ABCA12: variants seen among roughly 807,000 people sequenced by gnomAD.
ABCA12 encodes the protein ATP binding cassette subfamily A member 12, also known as glucosylceramide transporter ABCA12.
ABCA12 carries 156 observed loss-of-function variants against 293.5 expected under a neutral mutation model. The ratio of observed to expected loss-of-function variants is 0.53; its 90% CI spans 0.47 to 0.61. ABCA12 has a LOEUF of 0.61. ABCA12 is among the 20% of genes least tolerant of loss of function. ABCA12 has a pLI of 0.00. For synonymous variants in ABCA12, 1,063 were observed against 1,108.0 expected, an observed-to-expected ratio of 0.96 and a Z score of 0.81; for missense variants, 2,797 against 3,090.2, an observed-to-expected ratio of 0.91 and a Z score of 2.25.
Position 215,019,312 on chromosome 2 carries a change from T to G in ABCA12, c.1657+24A>C, listed in dbSNP as rs766675361. On this transcript the variant is annotated intron_variant, in intron 13 of 52. Coordinates refer to ENST00000272895, the MANE Select transcript of ABCA12 (RefSeq NM_173076.3). ...TCACATGCATTCTAATAAGACAAGA[T>G]TTAAAATGTGGATGGGGAAACACCT... The G allele has an allele frequency of 3.7e-5, 59 of 1,583,176 alleles. 1 individual carries two copies. The South Asian group carries it at 6.4e-4, about 17-fold the overall frequency.
At position 214,932,490 on chromosome 2, in the gene ABCA12, T is replaced by G; in HGVS notation, c.*144A>C. The G allele has an allele frequency of 4.2e-6, 3 of 711,624 alleles. No homozygotes were observed. The South Asian group carries it at 5.0e-5, about 12-fold the overall frequency. 44.1% of individuals were successfully genotyped at this position (711,624 alleles called of 1,614,324 possible). ...AGGAAAAATTTCCTTTTATAATTACTTGTTAGTCTAACACAGTTGTAACTT... is the reference window on the plus strand; with the variant it reads ...AGGAAAAATTTCCTTTTATAATTACGTGTTAGTCTAACACAGTTGTAACTT... On this transcript the variant is annotated 3_prime_UTR_variant, in exon 53 of 53. Transcript: ENST00000272895.
intron 20 of ABCA12, among the ~76,000 whole-genome samples, chr2:215,003,648 A>G (rs956546794): frequency 1.4e-5 from 2 of 144,836 alleles, no homozygotes; most frequent in Non-Finnish European, 3.0e-5. Context: ...CTGCATTTAT[A>G]TTACATTATT....
At chr2:215,125,381 C>T (rs1323584526) in intron 1 of ABCA12, among the ~76,000 whole-genome samples, 1 of 152,082 alleles carries the variant, frequency 6.6e-6, no homozygotes, top group African/African-American at 2.4e-5. Flanking sequence ...TTGTAGATTG[C>T]TTTTGGCAGT....
chr2:215,064,325 C>G (rs1701596621), intron 2 of ABCA12, 106 bp from the exon 3 acceptor site: 1 of 1,202,894 alleles, frequency 8.3e-7, no homozygotes, highest in African/African-American at 1.5e-5. Context: ...GATTACCACT[C>G]TCCGGGTCCC....
intron 10 of ABCA12, 111 bp downstream of exon 10, chr2:215,026,709 T>C: frequency 1.1e-6 from 1 of 902,332 alleles, no homozygotes; most frequent in Non-Finnish European, 1.9e-6. Context: ...ATATGGAAAC[T>C]AAGATTTTAC....
intron 15 of ABCA12, among the ~76,000 whole-genome samples, chr2:215,014,877 A>G (rs923981565): frequency 3.0e-4 from 46 of 152,200 alleles, no homozygotes; most frequent in African/African-American, 9.2e-4. Context: ...GGGTGAACAT[A>G]GGTGCTTAAT....
At chr2:214,963,115 A>G (rs1271194532) in intron 39 of ABCA12, 1 of 152,164 alleles carries the variant, frequency 6.6e-6, no homozygotes, top group African/African-American at 2.4e-5. Context: ...CCTTAAAAAA[A>G]TCAACGAATC....
Position 215,054,660 on chromosome 2 carries a change from T to C in ABCA12, c.322A>G (p.Ile108Val). The change falls in exon 4 of 53, where the codon ATT (isoleucine) becomes GTT (valine). Residue 108 changes from isoleucine (I) to valine (V), a missense_variant. By Grantham distance (29) the Ile-to-Val change is conservative (BLOSUM62 3). This residue lies in a region of ABCA12 where 656 missense variants were observed against 638.2 expected (regional missense o/e 1.03). Coordinates refer to ENST00000272895, the MANE Select transcript of ABCA12 (RefSeq NM_173076.3). ...IDDALFKDSEILRKSSNLDKD... is the reference protein window; with the variant it reads ...IDDALFKDSEVLRKSSNLDKD... ...TCCAGGTTGGATGACTTTCTCAGAA[T>C]CTCACTAGAGAAGAAAAAGCAAGAA... 6.2e-7 allele frequency: 1 copy of C among 1,610,900 alleles called. No homozygotes were observed. Among genetic ancestry groups the C allele is most frequent in the Non-Finnish European group, 8.5e-7 (1 of 1,177,582 alleles).
intron 2 of ABCA12, among the ~76,000 whole-genome samples, chr2:215,083,228 A>C (rs905768366): frequency 6.6e-6 from 1 of 152,236 alleles, no homozygotes; most frequent in Non-Finnish European, 1.5e-5. Context: ...TATCTATAGA[A>C]ATTACTGCCT....
intron 6 of ABCA12, 133 bp downstream of exon 6, chr2:215,049,493 G>A (rs1701273934): frequency 4.6e-6 from 4 of 876,740 alleles, no homozygotes; most frequent in South Asian, 1.6e-5. Flanking sequence ...AACTTTGTGT[G>A]CAAATGTCTA....
At chr2:214,995,838 AAG>A (rs1700020765) in intron 23 of ABCA12, among the ~76,000 whole-genome samples, 3 of 152,140 alleles carry the variant, frequency 2.0e-5, no homozygotes, top group African/African-American at 4.8e-5. Flanking sequence ...AGGCTTTAAA[AAG>A]GGGGGAAAAT....
intron 10 of ABCA12, among the ~76,000 whole-genome samples, chr2:215,026,534 T>C (rs1280696961): frequency 6.6e-6 from 1 of 152,204 alleles, no homozygotes; most frequent in Non-Finnish European, 1.5e-5. Context: ...TCTGGACACT[T>C]GGAAAATTTG....
chr2:215,064,142 T>C lies in ABCA12; in HGVS notation c.241A>G (p.Lys81Glu). ...GGGCCATAGGGTGTGTCTTTGCATT[T>C]AGAGTCTGTGTCACAGAGTAGGGTC... ...LQTLLCDTDS[K>E]CKDTPYGPQD... Residue 81 changes from lysine to glutamate, a missense_variant, in exon 3 of 53, where the codon AAA (lysine) becomes GAA (glutamate). Around this residue, in one of 3 missense-constraint regions of ABCA12, gnomAD observed 656 missense variants for 638.2 expected, o/e 1.03. Coordinates refer to ENST00000272895, the MANE Select transcript of ABCA12 (RefSeq NM_173076.3). 1 of 1,612,960 alleles carries C rather than the reference T, an allele frequency of 6.2e-7. No individual in the cohort carries two copies. The highest frequency in any genetic ancestry group is 1.3e-5 in the African/African-American group (1 of 74,928).
chr2:215,048,834 T>C (rs113187170), intron 6 of ABCA12, among the ~76,000 whole-genome samples: 9,043 of 152,192 alleles, frequency 0.059, 890 homozygotes, highest in African/African-American at 0.2. Flanking sequence ...TAACAAAGAA[T>C]GAGATGATGT....
chr2:215,123,768 CTTTAT>C (rs928129491), intron 1 of ABCA12, among the ~76,000 whole-genome samples: 10 of 151,500 alleles, frequency 6.6e-5, no homozygotes, highest in African/African-American at 9.8e-5. Context: ...CTTTTTTAAT[CTTTAT>C]TTTAATTTTT....
intron 1 of ABCA12, among the ~76,000 whole-genome samples, chr2:215,132,135 GA>G (rs1348814945): frequency 6.6e-6 from 1 of 151,930 alleles, no homozygotes; most frequent in East Asian, 1.9e-4. Context: ...TGAATTTATT[GA>G]GACTTCCCTT....
At chr2:215,110,424 T>C (rs1281237503) in intron 2 of ABCA12, among the ~76,000 whole-genome samples, 1 of 152,088 alleles carries the variant, frequency 6.6e-6, no homozygotes, top group Admixed American at 6.5e-5. Flanking sequence ...GGCAGGAGAA[T>C]GGTGTGAACC....
chr2:214,975,781 T>C lies in ABCA12; in HGVS notation c.5381+4A>G, dbSNP rs754752272. On this transcript the variant is annotated splice_donor_region_variant and intron_variant, in intron 34 of 52. Coordinates refer to ENST00000272895, the MANE Select transcript of ABCA12 (RefSeq NM_173076.3). ...ATTCTTTTAGTTAACAGAAAGAAACTTACGCATAGAAGGCTGTCTGTTCGG... is the reference window on the plus strand; with the variant it reads ...ATTCTTTTAGTTAACAGAAAGAAACCTACGCATAGAAGGCTGTCTGTTCGG... The C allele has an allele frequency of 8.1e-6, 13 of 1,614,030 alleles. No homozygotes were observed. The highest frequency in any genetic ancestry group is 1.0e-5 in the Non-Finnish European group (12 of 1,179,928).
At chr2:214,969,747 T>C (rs976264374) in intron 37 of ABCA12, among the ~76,000 whole-genome samples, 1 of 152,034 alleles carries the variant, frequency 6.6e-6, no homozygotes, top group Admixed American at 6.6e-5. Flanking sequence ...TGGATATATA[T>C]TGAGAAACAA....
Sources: gnomAD v4.1 joint callset for allele counts (sites outside exome capture counted in the v4.1 genomes callset) on GRCh38, gnomAD v4.1.1 for gene constraint, gnomAD v4.1.1 regional missense constraint, MANE v1.5 for transcripts, NCBI Gene and HGNC (gene_info 2026-07-23, HGNC 2026-07-21) for gene names.